Variants in MOV10L1 observed in about 807,000 individuals in gnomAD.
The protein encoded by MOV10L1 is RNA helicase Mov10l1.
In MOV10L1, 110 loss-of-function variants were observed where a neutral mutation model predicts 143.8. The ratio of observed to expected loss-of-function variants is 0.76; its 90% CI spans 0.66 to 0.90. The LOEUF is 0.90. Among genes scored for constraint, MOV10L1 ranks in the 40% least tolerant of loss-of-function variants. The pLI, the probability that MOV10L1 is intolerant of heterozygous loss-of-function variation, is 0.00. For synonymous variants in MOV10L1, 593 were observed against 581.1 expected (o/e 1.02, Z -0.29); for missense variants, 1,406 against 1,526.8 (o/e 0.92, Z 1.32).
Position 50,161,438 on chromosome 22 carries a change from G to A in MOV10L1, c.3625G>A (p.Glu1209Lys), listed in dbSNP as rs1461657937. The change falls in exon 27 of 27, where the codon GAG becomes AAG. Residue 1209 changes from glutamate to lysine, a missense_variant. Physicochemically the swap from Glu to Lys is moderately conservative, Grantham distance 56 (BLOSUM62 1). This residue lies in a region of MOV10L1 where 1,233 missense variants were observed against 1,351.4 expected (regional missense o/e 0.91). Transcript: ENST00000262794. The stretch of plus-strand genomic sequence containing the variant: ...ATCCACAGGACCAGAGAAGCATCAG[G>A]AGCCCAGCTGATCTGCAGTGGCTGA... ...PESTGPEKHQ[E>K]PS The A allele has an allele frequency of 6.3e-7, 1 of 1,591,520 alleles. No individual in the cohort carries two copies. Among genetic ancestry groups the A allele is most frequent in the Middle Eastern group, 1.7e-4 (1 of 6,030 alleles).
intron 15 of MOV10L1, among the ~76,000 whole-genome samples, chr22:50,141,170 C>T (rs1279282253): frequency 1.3e-5 from 2 of 152,086 alleles, no homozygotes. Context: ...CCTGCCTCAG[C>T]CTCCCGAGTA....
At position 50,092,131 on chromosome 22, in the gene MOV10L1, A is replaced by C; in HGVS notation, c.228A>C (p.Glu76Asp). ...TSRVLLNVGQ[E>D]VIAVVEENKV... ...GAGTGCTTCTGAATGTTGGACAGGA[A>C]GTGATTGCAGTTGTGGAAGAAAATA... The change falls in exon 2 of 27, where the codon GAA (glutamate) becomes GAC (aspartate). Residue 76 changes from glutamate to aspartate, a missense_variant. Glu to Asp is a conservative substitution (Grantham distance 45). This residue lies in a region of MOV10L1 where 166 missense variants were observed against 153.9 expected (regional missense o/e 1.08). Coordinates refer to ENST00000262794, the MANE Select transcript of MOV10L1 (RefSeq NM_018995.3). The C allele has an allele frequency of 1.9e-6, 3 of 1,614,210 alleles. No homozygotes were observed. Among genetic ancestry groups the C allele is most frequent in the Non-Finnish European group, 2.5e-6 (3 of 1,180,038 alleles).
rs1569044521 is a variant in MOV10L1, at chr22:50,150,853, G to A, written c.2846G>A (p.Arg949Lys). 3 of 1,614,198 alleles carry A rather than the reference G, an allele frequency of 1.9e-6. No individual in the cohort carries two copies. In the South Asian group the frequency reaches 3.3e-5, roughly 18 times the overall value. ...ERLMSRPAYQRDENAFGACGA... is the reference protein window; with the variant it reads ...ERLMSRPAYQKDENAFGACGA... ...CTGATGTCTCGACCCGCGTACCAGA[G>A]GGACGAAAATGCTTTCGGTGCTTGT... The change falls in exon 21 of 27, where the codon AGG becomes AAG. Residue 949 changes from arginine to lysine, a missense_variant. This residue lies in a region of MOV10L1 where 1,233 missense variants were observed against 1,351.4 expected (regional missense o/e 0.91). Transcript: ENST00000262794.
At chr22:50,139,288 C>T (rs2062916213) in intron 15 of MOV10L1, among the ~76,000 whole-genome samples, 1 of 151,948 alleles carries the variant, frequency 6.6e-6, no homozygotes, top group Admixed American at 6.6e-5. Context: ...ATCTAGGAAA[C>T]AGCATAGAAG....
chr22:50,141,752 C>G (rs962067335), intron 15 of MOV10L1, among the ~76,000 whole-genome samples: 2 of 152,222 alleles, frequency 1.3e-5, no homozygotes, highest in East Asian at 3.9e-4. Context: ...GCAGGTTCCC[C>G]CACTGTCCAG....
chr22:50,090,669 G>C, intron 1 of MOV10L1: 1 of 960,088 alleles, frequency 1.0e-6, no homozygotes, highest in South Asian at 1.5e-5. Context: ...CCTTTCTCCT[G>C]AGGTGTTTGT....
chr22:50,133,211 C>T (rs1206628341), intron 13 of MOV10L1, among the ~76,000 whole-genome samples: 2 of 151,978 alleles, frequency 1.3e-5, no homozygotes, highest in African/African-American at 4.8e-5. Context: ...CAGTCCTGAG[C>T]GAGTTAGTAC....
intron 8 of MOV10L1, among the ~76,000 whole-genome samples, chr22:50,115,854 C>T (rs974208206): frequency 4.6e-5 from 7 of 152,212 alleles, no homozygotes; most frequent in Non-Finnish European, 1.0e-4. Flanking sequence ...ATCTCCATCC[C>T]GTCACCTGGG....
intron 20 of MOV10L1, 90 bp from the exon 21 acceptor site, chr22:50,150,645 A>T (rs775210876): frequency 2.1e-4 from 300 of 1,411,184 alleles, no homozygotes; most frequent in Non-Finnish European, 2.8e-4. Flanking sequence ...GCATGGGGCC[A>T]TCCTGCGCAC....
intron 18 of MOV10L1, 45 bp from the exon 19 acceptor site, chr22:50,145,644 T>C: frequency 1.2e-6 from 2 of 1,605,052 alleles, no homozygotes; most frequent in Non-Finnish European, 1.7e-6. Context: ...GAATTCTGCT[T>C]AATAATTGGA....
intron 3 of MOV10L1, among the ~76,000 whole-genome samples, chr22:50,103,489 G>A (rs991583999): frequency 1.6e-4 from 24 of 152,170 alleles, no homozygotes; most frequent in African/African-American, 3.9e-4. Flanking sequence ...CTTGGGCACT[G>A]GAGGCTGTTT....
At chr22:50,146,984 C>T (rs563267699) in intron 19 of MOV10L1, 59 of 1,404,392 alleles carry the variant, frequency 4.2e-5, no homozygotes, top group African/African-American at 3.0e-4. Flanking sequence ...GTGTGGCTAC[C>T]GGATTGGACA....
intron 12 of MOV10L1, 47 bp from the exon 13 acceptor site, chr22:50,128,369 A>G (rs1347532823): frequency 1.9e-6 from 2 of 1,070,664 alleles, no homozygotes; most frequent in Admixed American, 2.1e-5. Context: ...AGATAAAGAT[A>G]TCACATTATT....
intron 22 of MOV10L1, among the ~76,000 whole-genome samples, chr22:50,155,644 T>G (rs552725203): frequency 5.3e-5 from 8 of 152,206 alleles, no homozygotes; most frequent in Non-Finnish European, 1.2e-4. Context: ...TCCGGCTAAT[T>G]TTTGTATTTT....
rs768860343 is a variant in MOV10L1, at chr22:50,091,857, CTG to C, written c.98-142_98-141del. On this transcript the variant is annotated intron_variant, in intron 1 of 26. Coordinates refer to ENST00000262794, the MANE Select transcript of MOV10L1 (RefSeq NM_018995.3). ...ACAGCACTCTCTGATGGGATTCTCT[CTG>C]TCTCAAGTCAGCCCGTTCGGAGTCA... 138 of 705,258 alleles carry C rather than the reference CTG, an allele frequency of 2.0e-4. 5 individuals carry two copies. Among genetic ancestry groups the C allele is most frequent in the Non-Finnish European group, 2.5e-4 (105 of 428,400 alleles). 43.7% of individuals were successfully genotyped at this position (705,258 alleles called of 1,614,324 possible). A position where few individuals can be genotyped will look rare whatever the true frequency, so the allele number is the denominator to read the frequency against.
At chr22:50,101,830 C>A (rs1455554191) in intron 3 of MOV10L1, among the ~76,000 whole-genome samples, 1 of 152,006 alleles carries the variant, frequency 6.6e-6, no homozygotes, top group Non-Finnish European at 1.5e-5. Flanking sequence ...GGTTGTTAAC[C>A]CTGGGATCCC....
chr22:50,124,707 G>A (rs1009210446), intron 10 of MOV10L1, among the ~76,000 whole-genome samples: 17 of 152,310 alleles, frequency 1.1e-4, no homozygotes, highest in Non-Finnish European at 2.2e-4. Context: ...TGAGCTGATG[G>A]TCCTGAGTGG....
At chr22:50,136,930 C>A (rs906586755) in intron 15 of MOV10L1, among the ~76,000 whole-genome samples, 1 of 152,130 alleles carries the variant, frequency 6.6e-6, no homozygotes, top group Admixed American at 6.6e-5. Flanking sequence ...ATGTAGAATC[C>A]ATGGGAGGGT....
At chr22:50,137,146 T>C (rs1909334223) in intron 15 of MOV10L1, among the ~76,000 whole-genome samples, 1 of 151,896 alleles carries the variant, frequency 6.6e-6, no homozygotes, top group African/African-American at 2.4e-5. Context: ...GGTTACAAAA[T>C]GAAAAAGTGA....
Sources: gnomAD v4.1 joint callset for allele counts (sites outside exome capture counted in the v4.1 genomes callset) on GRCh38, gnomAD v4.1.1 for gene constraint, gnomAD v4.1.1 regional missense constraint, MANE v1.5 for transcripts, NCBI Gene and HGNC (gene_info 2026-07-23, HGNC 2026-07-21) for gene names.